The following HAPLN4 variants were observed in gnomAD, a reference collection of about 807,000 sequenced individuals.
HAPLN4 encodes brain link protein 2.
HAPLN4 carries 19 observed loss-of-function variants against 28.0 expected under a neutral mutation model. That is an observed-to-expected ratio of 0.68 (90% confidence interval 0.47 to 1.00). HAPLN4 has a LOEUF of 1.00. Ranked by LOEUF, HAPLN4 falls within the 50% of genes least tolerant of loss-of-function variation. The pLI, the probability that HAPLN4 is intolerant of heterozygous loss-of-function variation, is 0.00. For missense variants in HAPLN4, 587 were observed against 602.6 expected (o/e 0.97, Z 0.27); for synonymous variants, 274 against 273.0 (o/e 1.00, Z -0.03).
rs2060964099 is a variant in HAPLN4, at chr19:19,255,903, C to T, written c.*1914G>A. 1 of 152,218 alleles carries T rather than the reference C, an allele frequency of 6.6e-6. No individual in the cohort carries two copies. The highest frequency in any genetic ancestry group is 1.5e-5 in the Non-Finnish European group (1 of 68,052). 9.4% of individuals were successfully genotyped at this position (152,218 alleles called of 1,614,324 possible). A position where few individuals can be genotyped will look rare whatever the true frequency, so the allele number is the denominator to read the frequency against. On this transcript the variant is annotated 3_prime_UTR_variant, in exon 5 of 5. Coordinates refer to ENST00000291481, the MANE Select transcript of HAPLN4 (RefSeq NM_023002.3). ...CCCAGTACTCCTGCAGGCAAGACTT[C>T]GGGACTGGGGTCTCCCACGGCCGGG...
At position 19,258,896 on chromosome 19, in the gene HAPLN4, C is replaced by T; in HGVS notation, c.485-41G>A. On this transcript the variant is annotated intron_variant, in intron 3 of 4. Transcript: ENST00000291481. The surrounding 1 kb of genome is among the most constrained non-coding windows in gnomAD (Gnocchi z 6.2). Reference sequence around the variant, plus strand: ...CGGGATCAGCAGGTACACCCCAGCCCACCCTCATGCACCTGACGTCTGGGG... The same window carrying T: ...CGGGATCAGCAGGTACACCCCAGCCTACCCTCATGCACCTGACGTCTGGGG... 7.0e-7 allele frequency: 1 copy of T among 1,423,380 alleles called. No homozygotes were observed. Among genetic ancestry groups the T allele is most frequent in the Admixed American group, 2.4e-5 (1 of 41,132 alleles). 88.2% of individuals were successfully genotyped at this position (1,423,380 alleles called of 1,614,324 possible).
At chr19:19,260,294 G>A (rs966081124) in intron 3 of HAPLN4, among the ~76,000 whole-genome samples, 2 of 152,100 alleles carry the variant, frequency 1.3e-5, no homozygotes, top group African/African-American at 2.4e-5. Flanking sequence ...TCCACTCACC[G>A]CAACCTCCAC....
chr19:19,257,986 C>G lies in HAPLN4; in HGVS notation c.1040G>C (p.Arg347Pro), dbSNP rs746009261. The change falls in exon 5 of 5, where the codon CGC (arginine) becomes CCC (proline). Residue 347 changes from arginine to proline, a missense_variant. Physicochemically the swap from Arg to Pro is moderately radical, Grantham distance 103. Transcript: ENST00000291481. Reference sequence around the variant, plus strand: ...GGTGGCGTCCGGGAAGCCGAGGCTGCGCACACCAGGCCTGCGGCCTCCGCA... The same window carrying G: ...GGTGGCGTCCGGGAAGCCGAGGCTGGGCACACCAGGCCTGCGGCCTCCGCA... ...ARCGGRRPGVRSLGFPDATRR... is the reference protein window; with the variant it reads ...ARCGGRRPGVPSLGFPDATRR... 6.6e-7 allele frequency: 1 copy of G among 1,517,052 alleles called. No homozygotes were observed. The highest frequency in any genetic ancestry group is 8.8e-7 in the Non-Finnish European group (1 of 1,139,960). The allele number at this position is 1,517,052 out of a possible 1,614,324, so 94.0% of individuals were successfully genotyped here. A position where few individuals can be genotyped will look rare whatever the true frequency, so the allele number is the denominator to read the frequency against.
rs781536387 is a variant in HAPLN4 at position 19,258,732 on chromosome 19, C to T, written c.608G>A (p.Arg203His). ...ASAEQLHAAW[R>H]DGLDWCNAGW... ...CGCGTTGCACCAGTCCAGGCCGTCG[C>T]GCCAGGCCGCGTGCAGCTGTTCTGC... The change falls in exon 4 of 5, where the codon CGC (arginine) becomes CAC (histidine). Residue 203 changes from arginine (R) to histidine (H), a missense_variant. Arg to His is a conservative substitution (Grantham distance 29). Transcript: ENST00000291481. The surrounding 1 kb of genome is among the most constrained non-coding windows in gnomAD (Gnocchi z 6.2). 19 of 1,602,814 alleles carry T rather than the reference C, an allele frequency of 1.2e-5. No homozygotes were observed. Among genetic ancestry groups the T allele is most frequent in the South Asian group, 2.2e-5 (2 of 90,128 alleles).
chr19:19,261,415 GAGA>G (rs747717983), intron 2 of HAPLN4, 28 bp downstream of exon 2: 160 of 1,577,306 alleles, frequency 1.0e-4, no homozygotes, highest in Non-Finnish European at 1.3e-4. Context: ...GCTTTTCGCG[GAGA>G]AGACCACTTT....
Position 19,261,117 on chromosome 19 carries a change from A to G in HAPLN4, c.180T>C (p.Arg60=). 1 of 1,611,174 alleles carries G rather than the reference A, an allele frequency of 6.2e-7. No homozygotes were observed. Among genetic ancestry groups the G allele is most frequent in the South Asian group, 1.1e-5 (1 of 90,980 alleles). The change falls in exon 3 of 5, where the codon CGT becomes CGC. Residue 60 remains arginine, a synonymous_variant. Transcript: ENST00000291481. Reference sequence around the variant, plus strand: ...GGCAGGGCAAGACGATGGTGCCACCACGGTGGCTTACCACCTGCCCAGGCG... The same window carrying G: ...GGCAGGGCAAGACGATGGTGCCACCGCGGTGGCTTACCACCTGCCCAGGCG... The part of the protein sequence containing the change: ...QTAPGQVVSH[R]GGTIVLPCRY...
chr19:19,258,417 G>A lies in HAPLN4; in HGVS notation c.817+106C>T, dbSNP rs2060973081. 7.9e-7 allele frequency: 1 copy of A among 1,261,636 alleles called. No individual in the cohort carries two copies. Among genetic ancestry groups the A allele is most frequent in the Admixed American group, 2.0e-5 (1 of 49,246 alleles). 78.2% of individuals were successfully genotyped at this position (1,261,636 alleles called of 1,614,324 possible). ...GTGTGCTGCGCCTAGGCACTCTTGG[G>A]AGAGGGGTCTCCTGTTTCTGATCGC... On this transcript the variant is annotated intron_variant, in intron 4 of 4. Coordinates refer to ENST00000291481, the MANE Select transcript of HAPLN4 (RefSeq NM_023002.3). The surrounding 1 kb of genome is among the most constrained non-coding windows in gnomAD (Gnocchi z 6.2).
chr19:19,261,476 G>T lies in HAPLN4; in HGVS notation c.91C>A (p.Arg31Ser), dbSNP rs1283615986. The change falls in exon 2 of 5, where the codon CGT becomes AGT. Residue 31 changes from arginine (R) to serine (S), a missense_variant. By Grantham distance (110) the Arg-to-Ser change is moderately radical. Coordinates refer to ENST00000291481, the MANE Select transcript of HAPLN4 (RefSeq NM_023002.3). ...LLLTAPAGAQ[R>S]GRKKVVHVLE... ...ACGTGCACGACCTTCTTCCGGCCAC[G>T]CTGCGCCCCCGCAGGGGCTGTGAGC... 2 of 1,612,044 alleles carry T rather than the reference G, an allele frequency of 1.2e-6. No homozygotes were observed. The highest frequency in any genetic ancestry group is 1.3e-5 in the African/African-American group (1 of 74,894).
rs1453201908 is a variant in HAPLN4 at position 19,260,827 on chromosome 19, T to C, written c.470A>G (p.Lys157Arg). The C allele has an allele frequency of 1.6e-5, 26 of 1,610,092 alleles. No individual in the cohort carries two copies. The highest frequency in any genetic ancestry group is 2.2e-5 in the Non-Finnish European group (26 of 1,176,714). ...CGGCTGATCACCTTCCAGGTCCAGC[T>C]TGACCATGCCAGCGTCATCTTCCAG... ...NELEDDAGMV[K>R]LDLEGVVFPY... Residue 157 changes from lysine (K) to arginine (R), a missense_variant, in exon 3 of 5, where the codon AAG becomes AGG. Physicochemically the swap from Lys to Arg is conservative, Grantham distance 26 (BLOSUM62 2). Coordinates refer to ENST00000291481, the MANE Select transcript of HAPLN4 (RefSeq NM_023002.3).
chr19:19,259,166 C>T (rs1279967340), intron 3 of HAPLN4, among the ~76,000 whole-genome samples: 1 of 152,140 alleles, frequency 6.6e-6, no homozygotes, highest in Non-Finnish European at 1.5e-5. Flanking sequence ...CTTCAAAATC[C>T]AACTCCCAAA....
At position 19,256,975 on chromosome 19, in the gene HAPLN4, T is replaced by C. The variant is rs1334760710; in HGVS notation, c.*842A>G. ...TCTGCATAACTAGTGACATGGATCTTACCGGTCCCCAGGCCTGGGAAGATG... is the reference window on the plus strand; with the variant it reads ...TCTGCATAACTAGTGACATGGATCTCACCGGTCCCCAGGCCTGGGAAGATG... On this transcript the variant is annotated 3_prime_UTR_variant, in exon 5 of 5. Transcript: ENST00000291481. 6.6e-6 allele frequency: 1 copy of C among 152,540 alleles called. No individual in the cohort carries two copies. The highest frequency in any genetic ancestry group is 1.9e-4 in the East Asian group (1 of 5,194). 9.4% of individuals were successfully genotyped at this position (152,540 alleles called of 1,614,324 possible).
At position 19,257,685 on chromosome 19, in the gene HAPLN4, G is replaced by T; in HGVS notation, c.*132C>A. ...TAGCCAGTCTTCAGGGACCCCAGGG[G>T]CACAGTTAGTTTGTAAGGGACCACA... On this transcript the variant is annotated 3_prime_UTR_variant, in exon 5 of 5. Transcript: ENST00000291481. 1 of 1,115,406 alleles carries T rather than the reference G, an allele frequency of 9.0e-7. No individual in the cohort carries two copies. Among genetic ancestry groups the T allele is most frequent in the Non-Finnish European group, 1.2e-6 (1 of 862,534 alleles). 69.1% of individuals were successfully genotyped at this position (1,115,406 alleles called of 1,614,324 possible). A position where few individuals can be genotyped will look rare whatever the true frequency, so the allele number is the denominator to read the frequency against.
chr19:19,261,529 AGC>A lies in HAPLN4; in HGVS notation c.36_37del (p.Trp14GlyfsTer29). 6.2e-7 allele frequency: 1 copy of A among 1,604,102 alleles called. No individual in the cohort carries two copies. The highest frequency in any genetic ancestry group is 8.5e-7 in the Non-Finnish European group (1 of 1,175,926). ...CAGGACGCCCCAGGCCGCGGCCCAG[AGC>A]GCGCCGGGACCGAGGGCCGCCCGAG... On this transcript the variant is annotated frameshift_variant, in exon 2 of 5. Transcript: ENST00000291481. LOFTEE classifies it high-confidence loss of function.
Position 19,258,987 on chromosome 19 carries a change from C to T in HAPLN4, c.485-132G>A. The T allele has an allele frequency of 1.5e-6, 1 of 686,990 alleles. No individual in the cohort carries two copies. Among genetic ancestry groups the T allele is most frequent in the Non-Finnish European group, 2.4e-6 (1 of 423,938 alleles). The allele number at this position is 686,990 out of a possible 1,614,324, so 42.6% of individuals were successfully genotyped here. A position where few individuals can be genotyped will look rare whatever the true frequency, so the allele number is the denominator to read the frequency against. On this transcript the variant is annotated intron_variant, in intron 3 of 4. Coordinates refer to ENST00000291481, the MANE Select transcript of HAPLN4 (RefSeq NM_023002.3). The surrounding 1 kb of genome is among the most constrained non-coding windows in gnomAD (Gnocchi z 6.2). ...TCCTCACTCTGGCCTCAGACCTGAC[C>T]ACGATCCTCCCCAGCTCACACCCCA...
In HAPLN4 at chr19:19,257,927, G is replaced by A; in HGVS notation, c.1099C>T (p.Pro367Ser). ...RLFGVYCYRA[P>S]GAPDPAPGGW... ...CCAGGTGCCGGGTCCGGTGCTCCTG[G>A]AGCGCGGTAGCAGTAGACGCCGAAG... is the stretch of plus-strand genomic sequence containing the variant. Residue 367 changes from proline (P) to serine (S), a missense_variant, in exon 5 of 5, where the codon CCA (proline) becomes TCA (serine). By Grantham distance (74) the Pro-to-Ser change is moderately conservative. Coordinates refer to ENST00000291481, the MANE Select transcript of HAPLN4 (RefSeq NM_023002.3). 6.6e-7 allele frequency: 1 copy of A among 1,509,552 alleles called. No individual in the cohort carries two copies. The highest frequency in any genetic ancestry group is 8.8e-7 in the Non-Finnish European group (1 of 1,136,076). 93.5% of individuals were successfully genotyped at this position (1,509,552 alleles called of 1,614,324 possible).
rs1390428980 is a variant in HAPLN4 at position 19,261,064 on chromosome 19, C to A, written c.233G>T (p.Gly78Val). The A allele has an allele frequency of 6.2e-7, 1 of 1,613,000 alleles. No homozygotes were observed. The highest frequency in any genetic ancestry group is 2.2e-5 in the East Asian group (1 of 44,898). ...CRYHYEAAAH[G>V]HDGVRLKWTK... Reference sequence around the variant, plus strand: ...CCACTTGAGCCGGACGCCGTCGTGACCGTGGGCGGCTGCCTCATAGTGGTA... The same window carrying A: ...CCACTTGAGCCGGACGCCGTCGTGAACGTGGGCGGCTGCCTCATAGTGGTA... Residue 78 changes from glycine to valine, a missense_variant, in exon 3 of 5, where the codon GGT (glycine) becomes GTT (valine). Coordinates refer to ENST00000291481, the MANE Select transcript of HAPLN4 (RefSeq NM_023002.3).
In HAPLN4 at chr19:19,260,965, C is replaced by T. The variant is rs767337509; in HGVS notation, c.332G>A (p.Ser111Asn). The change falls in exon 3 of 5, where the codon AGC becomes AAC. Residue 111 changes from serine to asparagine, a missense_variant. Transcript: ENST00000291481. ...CTGCAGCTCAGCCCGCCCACGGTAG[C>T]TGCCGAATGCCCGGTGCTGGGGGCC... The part of the protein sequence containing the change: ...ALGPQHRAFG[S>N]YRGRAELQGD... The T allele has an allele frequency of 1.9e-6, 3 of 1,613,804 alleles. No individual in the cohort carries two copies. In the South Asian group the frequency reaches 3.3e-5, roughly 18 times the overall value.
intron 3 of HAPLN4, 54 bp downstream of exon 3, chr19:19,260,759 C>T (rs2060979928): frequency 1.3e-6 from 2 of 1,569,230 alleles, no homozygotes; most frequent in East Asian, 4.5e-5. Context: ...CCTTGCCATC[C>T]CCGCCCCCCT....
At position 19,257,672 on chromosome 19, in the gene HAPLN4, A is replaced by T; in HGVS notation, c.*145T>A. 9.9e-7 allele frequency: 1 copy of T among 1,005,866 alleles called. No individual in the cohort carries two copies. The highest frequency in any genetic ancestry group is 1.3e-6 in the Non-Finnish European group (1 of 766,584). The allele number at this position is 1,005,866 out of a possible 1,614,324, so 62.3% of individuals were successfully genotyped here. On this transcript the variant is annotated 3_prime_UTR_variant, in exon 5 of 5. Coordinates refer to ENST00000291481, the MANE Select transcript of HAPLN4 (RefSeq NM_023002.3). The stretch of plus-strand genomic sequence containing the variant: ...GTTCTGCCAGGACTAGCCAGTCTTC[A>T]GGGACCCCAGGGGCACAGTTAGTTT...
Sources: gnomAD v4.1 joint callset for allele counts (sites outside exome capture counted in the v4.1 genomes callset) on GRCh38, gnomAD v4.1.1 for gene constraint, Gnocchi (gnomAD v3.1) non-coding constraint, MANE v1.5 for transcripts, NCBI Gene and HGNC (gene_info 2026-07-23, HGNC 2026-07-21) for gene names.